Variants in DLG2 observed in about 807,000 individuals in gnomAD.
DLG2 encodes discs large MAGUK scaffold protein 2.
Under a neutral mutation model 132.5 loss-of-function variants are expected in DLG2, and 45 were observed. The observed-to-expected ratio is 0.34, with a 90% CI of 0.27 to 0.44. The LOEUF (loss-of-function observed/expected upper bound fraction) is 0.44. Among genes scored for constraint, DLG2 ranks in the 20% least tolerant of loss-of-function variants. The probability of loss-of-function intolerance (pLI) is 1.00; values close to 1 mark genes in which losing one functional copy is unlikely to be tolerated. For synonymous variants in DLG2, 424 were observed against 419.6 expected (o/e 1.01, Z -0.13); for missense variants, 1,045 against 1,196.9 (o/e 0.87, Z 1.87).
At chr11:84,334,309 G>C (rs2098474180) in intron 7 of DLG2, among the ~76,000 whole-genome samples, 1 of 152,094 alleles carries the variant, frequency 6.6e-6, no homozygotes, top group South Asian at 2.1e-4. Flanking sequence ...CTGAGGTCTG[G>C]CCTGTATGAG....
rs892850806 is a variant in DLG2 at position 84,720,479 on chromosome 11, C to A, written c.358-185748G>T. 2.9e-5 allele frequency: 29 copies of A among 985,248 alleles called. No homozygotes were observed. In the East Asian group the frequency reaches 2.3e-3, roughly 78 times the overall value. The allele number at this position is 985,248 out of a possible 1,614,324, so 61.0% of individuals were successfully genotyped here. On this transcript the variant is annotated intron_variant, in intron 6 of 27. Transcript: ENST00000376104. ...GGGCACATGGAGCGACAGCCTAGACCGAGCTGCCGCTTCGATCACTGCCCC... is the reference window on the plus strand; with the variant it reads ...GGGCACATGGAGCGACAGCCTAGACAGAGCTGCCGCTTCGATCACTGCCCC...
intron 3 of DLG2, among the ~76,000 whole-genome samples, chr11:85,379,562 T>A (rs1226680808): frequency 6.6e-6 from 1 of 152,178 alleles, no homozygotes; most frequent in South Asian, 2.1e-4. Flanking sequence ...ATGTGCACTC[T>A]GGGATATAAC....
intron 18 of DLG2, among the ~76,000 whole-genome samples, chr11:83,750,981 T>C (rs2093268579): frequency 6.6e-6 from 1 of 152,230 alleles, no homozygotes; most frequent in African/African-American, 2.4e-5. Flanking sequence ...ATAAACTCTC[T>C]GTCCTCACTG....
chr11:84,739,351 C>T (rs1297134638), intron 6 of DLG2, among the ~76,000 whole-genome samples: 1 of 151,836 alleles, frequency 6.6e-6, no homozygotes, highest in Non-Finnish European at 1.5e-5. Context: ...TCAATTTTTT[C>T]CTAAACAAGT....
At chr11:84,308,893 G>C (rs747716752) in intron 7 of DLG2, among the ~76,000 whole-genome samples, 1 of 152,180 alleles carries the variant, frequency 6.6e-6, no homozygotes, top group Non-Finnish European at 1.5e-5. Flanking sequence ...ATGGCGCGCA[G>C]CCCCAGTTCC....
At chr11:83,593,315 TA>T in intron 19 of DLG2, among the ~76,000 whole-genome samples, 1 of 150,088 alleles carries the variant, frequency 6.7e-6, no homozygotes, top group South Asian at 2.1e-4. Flanking sequence ...TATGCAGCCA[TA>T]AAAAATGATT....
chr11:84,031,413 A>G (rs2095687799), intron 11 of DLG2, among the ~76,000 whole-genome samples: 1 of 152,158 alleles, frequency 6.6e-6, no homozygotes. Context: ...TAAACTTATG[A>G]GACTATTAGA....
rs572241140 is a variant in DLG2 at position 84,969,357 on chromosome 11, G to A, written c.357+142304C>T. On this transcript the variant is annotated intron_variant, in intron 6 of 27. Transcript: ENST00000376104. The stretch of plus-strand genomic sequence containing the variant: ...GTGTCTGAGACTGCTACTTACGTCT[G>A]CTTCCTACCACTGAATCCTGGCTTA... Among the ~76,000 whole-genome samples, 16 of 152,228 alleles carry A rather than the reference G, an allele frequency of 1.1e-4. No homozygotes were observed. The South Asian group carries it at 3.3e-3, about 32-fold the overall frequency.
chr11:83,669,756 A>G (rs532164380), intron 18 of DLG2, among the ~76,000 whole-genome samples: 16 of 152,354 alleles, frequency 1.1e-4, no homozygotes, highest in African/African-American at 3.6e-4. Context: ...ACAAACAAAC[A>G]TGAAAAGCTA....
intron 9 of DLG2, among the ~76,000 whole-genome samples, chr11:84,119,273 T>G (rs908853312): frequency 6.6e-6 from 1 of 152,066 alleles, no homozygotes; most frequent in African/African-American, 2.4e-5. Context: ...ATACCGCTAT[T>G]TCACAGCACT....
chr11:83,871,230 T>G (rs1357048843), intron 16 of DLG2, among the ~76,000 whole-genome samples: 1 of 152,152 alleles, frequency 6.6e-6, no homozygotes, highest in East Asian at 1.9e-4. Flanking sequence ...CAGAACTTAT[T>G]CTGCTAATAG....
chr11:84,369,535 G>A (rs985398217), intron 7 of DLG2, among the ~76,000 whole-genome samples: 2 of 152,064 alleles, frequency 1.3e-5, no homozygotes, highest in Non-Finnish European at 2.9e-5. Flanking sequence ...TTCTTGGGGG[G>A]AGATGGGGCG....
chr11:85,134,478 G>A (rs1408072733), intron 5 of DLG2, among the ~76,000 whole-genome samples: 3 of 126,142 alleles, frequency 2.4e-5, no homozygotes, highest in African/African-American at 9.1e-5. Flanking sequence ...GCAGTGAGCC[G>A]AGATCCCGCC....
intron 6 of DLG2, among the ~76,000 whole-genome samples, chr11:84,795,159 C>A (rs1252892739): frequency 6.6e-6 from 1 of 152,184 alleles, no homozygotes; most frequent in Non-Finnish European, 1.5e-5. Flanking sequence ...CCATAAAAAC[C>A]CCAGACTTCG....
At chr11:84,546,566 T>G in intron 6 of DLG2, 1 of 397,370 alleles carries the variant, frequency 2.5e-6, no homozygotes, top group Admixed American at 3.0e-5. Context: ...TCTTTGAGAA[T>G]CTCCTCTTGA....
Position 84,600,214 on chromosome 11 carries a change from A to AAG in DLG2, c.358-65485_358-65484dup, listed in dbSNP as rs1565420056. ...AAAGAAAGAAAGAAAGAAAGAAAGA[A>AAG]AGAAAGAAAGAGAAAGAAAGACAGA... On this transcript the variant is annotated intron_variant, in intron 6 of 27. Coordinates refer to ENST00000376104, the MANE Select transcript of DLG2 (RefSeq NM_001142699.3). Among the ~76,000 whole-genome samples the AAG allele has an allele frequency of 3.3e-3, 449 of 136,578 alleles. 3 individuals carry two copies. The highest frequency in any genetic ancestry group is 7.4e-3 in the Middle Eastern group (2 of 270). 89.6% of individuals were successfully genotyped at this position (136,578 alleles called of 152,430 possible).
In DLG2 at chr11:85,560,667, GA is replaced by G. The variant is rs1162829486; in HGVS notation, c.40+37989del. Among the ~76,000 whole-genome samples, 15 of 151,926 alleles carry G rather than the reference GA, an allele frequency of 9.9e-5. No homozygotes were observed. In the South Asian group the frequency reaches 2.7e-3, roughly 27 times the overall value. ...CTTTGTAAATTTACTAAAAATTGTT[GA>G]ATGATACACTTATAATGGATAAATT... On this transcript the variant is annotated intron_variant, in intron 3 of 27. Transcript: ENST00000376104.
chr11:83,924,906 T>C (rs1309494785), intron 15 of DLG2, among the ~76,000 whole-genome samples: 1 of 152,116 alleles, frequency 6.6e-6, no homozygotes, highest in Non-Finnish European at 1.5e-5. Flanking sequence ...TTTTCATAGA[T>C]AATGCTTCTT....
At chr11:84,185,197 C>T (rs1444771428) in intron 8 of DLG2, among the ~76,000 whole-genome samples, 1 of 152,126 alleles carries the variant, frequency 6.6e-6, no homozygotes. Flanking sequence ...TTCCTCCTAT[C>T]CACGAGCATG....
Sources: allele counts gnomAD v4.1 joint callset (sites outside exome capture counted in the v4.1 genomes callset), GRCh38; gene constraint gnomAD v4.1.1; transcripts MANE v1.5; gene names NCBI Gene and HGNC (gene_info 2026-07-23, HGNC 2026-07-21).